RBFOX1: variants seen among roughly 807,000 people sequenced by gnomAD.
The protein encoded by RBFOX1 is RNA binding fox-1 homolog 1.
A neutral mutation model predicts 57.7 loss-of-function variants in RBFOX1; 8 were observed. The ratio of observed to expected loss-of-function variants is 0.14; its 90% CI spans 0.08 to 0.25. The LOEUF (loss-of-function observed/expected upper bound fraction) is 0.25. Among genes scored for constraint, RBFOX1 ranks in the 10% least tolerant of loss-of-function variants. RBFOX1 has a pLI of 1.00. For missense variants in RBFOX1, 611 were observed against 548.5 expected (o/e 1.11, Z -1.14); for synonymous variants, 326 against 222.4 (o/e 1.47, Z -4.15).
At chr16:6,289,705 A>C (rs903816799) in intron 1 of RBFOX1, among the ~76,000 whole-genome samples, 2 of 152,178 alleles carry the variant, frequency 1.3e-5, no homozygotes, top group African/African-American at 2.4e-5. Context: ...TTATAAAATG[A>C]AAAGGTAAGG....
intron 4 of RBFOX1, among the ~76,000 whole-genome samples, chr16:7,119,235 T>A (rs2066576467): frequency 6.6e-6 from 1 of 152,112 alleles, no homozygotes; most frequent in Non-Finnish European, 1.5e-5. Context: ...AAGGCAGTAA[T>A]TTTTTTGTGT....
chr16:6,770,841 A>G (rs571410999), intron 3 of RBFOX1, among the ~76,000 whole-genome samples: 19 of 152,274 alleles, frequency 1.2e-4, no homozygotes, highest in Non-Finnish European at 2.4e-4. Flanking sequence ...CCATTTCTAA[A>G]TAGTAGGGCT....
At chr16:7,529,595 T>C (rs933513067) in intron 5 of RBFOX1, among the ~76,000 whole-genome samples, 1 of 152,228 alleles carries the variant, frequency 6.6e-6, no homozygotes, top group Non-Finnish European at 1.5e-5. Flanking sequence ...TTCTTAAGAA[T>C]AGCAGCAATT....
At chr16:5,575,875 G>A (rs2046435294) in intron 2 of RBFOX1, among the ~76,000 whole-genome samples, 1 of 151,936 alleles carries the variant, frequency 6.6e-6, no homozygotes, top group African/African-American at 2.4e-5. Context: ...ATCAAAAGCT[G>A]GCATGATATG....
At chr16:7,182,311 C>A (rs190152686) in intron 4 of RBFOX1, among the ~76,000 whole-genome samples, 1 of 151,848 alleles carries the variant, frequency 6.6e-6, no homozygotes, top group Non-Finnish European at 1.5e-5. Flanking sequence ...AGTCACCTGC[C>A]CCCCTGCAAA....
At chr16:5,780,128 G>A (rs2054279693) in intron 3 of RBFOX1, among the ~76,000 whole-genome samples, 1 of 152,144 alleles carries the variant, frequency 6.6e-6, no homozygotes, top group African/African-American at 2.4e-5. Flanking sequence ...TCAGCATCCA[G>A]AGTAGATGGG....
intron 3 of RBFOX1, among the ~76,000 whole-genome samples, chr16:6,759,232 C>A (rs1002750068): frequency 6.6e-6 from 1 of 151,342 alleles, no homozygotes; most frequent in Non-Finnish European, 1.5e-5. Context: ...CTCACTGGAA[C>A]CTCCACCTCC....
intron 2 of RBFOX1, among the ~76,000 whole-genome samples, chr16:6,600,340 A>G (rs2097837599): frequency 6.6e-6 from 1 of 152,094 alleles, no homozygotes; most frequent in Admixed American, 6.6e-5. Flanking sequence ...CAGCTGAGCT[A>G]CTGTCAGGAG....
At chr16:6,450,776 T>TAC (rs1374168050) in intron 2 of RBFOX1, among the ~76,000 whole-genome samples, 1 of 41,756 alleles carries the variant, frequency 2.4e-5, no homozygotes, top group Admixed American at 3.4e-4. Flanking sequence ...TGTATATATA[T>TAC]ATATATATAT....
chr16:6,914,564 A>C (rs201892364), intron 3 of RBFOX1, among the ~76,000 whole-genome samples: 1 of 149,214 alleles, frequency 6.7e-6, no homozygotes, highest in African/African-American at 2.5e-5. Flanking sequence ...AAACAAAAAT[A>C]AAAAAAAAAA....
At chr16:6,386,767 A>G (rs954437521) in intron 2 of RBFOX1, among the ~76,000 whole-genome samples, 8 of 152,240 alleles carry the variant, frequency 5.3e-5, no homozygotes, top group African/African-American at 1.9e-4. Context: ...GGAATCCACA[A>G]AGATTCTCTG....
At chr16:5,606,820 TAGAA>T (rs1161069071) in intron 3 of RBFOX1, among the ~76,000 whole-genome samples, 1 of 152,032 alleles carries the variant, frequency 6.6e-6, no homozygotes, top group Non-Finnish European at 1.5e-5. Context: ...GGGCTCCAGG[TAGAA>T]GGAACAGAAT....
intron 1 of RBFOX1, among the ~76,000 whole-genome samples, chr16:6,111,153 C>T (rs1010134024): frequency 1.1e-4 from 16 of 151,996 alleles, no homozygotes; most frequent in Admixed American, 5.2e-4. Flanking sequence ...AGAAAAATGG[C>T]AATACAAGAA....
At chr16:5,508,243 C>T (rs1455903944) in intron 2 of RBFOX1, among the ~76,000 whole-genome samples, 1 of 152,186 alleles carries the variant, frequency 6.6e-6, no homozygotes, top group Non-Finnish European at 1.5e-5. Context: ...GCGAGGGTCT[C>T]ATCTGAGGCT....
chr16:5,767,196 A>C (rs2053812784), intron 3 of RBFOX1, among the ~76,000 whole-genome samples: 1 of 152,222 alleles, frequency 6.6e-6, no homozygotes, highest in South Asian at 2.1e-4. Flanking sequence ...TAGAAATACC[A>C]CAGAAGTAAT....
intron 3 of RBFOX1, among the ~76,000 whole-genome samples, chr16:7,047,716 CTTTTTTTT>C (rs55636828): frequency 1.4e-3 from 68 of 47,934 alleles, no homozygotes; most frequent in African/African-American, 3.0e-3. Context: ...TCCTGCATTT[CTTTTTTTT>C]TTTTTTTTTT....
intron 4 of RBFOX1, among the ~76,000 whole-genome samples, chr16:5,985,654 A>G (rs2060271571): frequency 6.6e-6 from 1 of 152,176 alleles, no homozygotes; most frequent in Non-Finnish European, 1.5e-5. Context: ...CATTCCTAGT[A>G]GTACTCTTCC....
At chr16:5,468,786 C>G (rs79837468) in intron 2 of RBFOX1, among the ~76,000 whole-genome samples, 14,027 of 152,282 alleles carry the variant, frequency 0.092, 728 homozygotes, top group Admixed American at 0.13. Context: ...TTGGCTTGAC[C>G]TGGATCCTCT....
At chr16:5,627,080 A>G (rs2048369579) in intron 3 of RBFOX1, among the ~76,000 whole-genome samples, 1 of 152,210 alleles carries the variant, frequency 6.6e-6, no homozygotes, top group Non-Finnish European at 1.5e-5. Flanking sequence ...CTTTCCTCAG[A>G]AGTATTTAAG....
Sources: allele counts gnomAD v4.1 joint callset (sites outside exome capture counted in the v4.1 genomes callset), GRCh38; gene constraint gnomAD v4.1.1; transcripts MANE v1.5; gene names NCBI Gene and HGNC (gene_info 2026-07-23, HGNC 2026-07-21).